ST3GAL1: variants seen among roughly 807,000 people sequenced by gnomAD.
ST3GAL1 encodes CMP-N-acetylneuraminate-beta-galactosamide-alpha-2,3-sialyltransferase 1.
ST3GAL1 carries 16 observed loss-of-function variants against 34.1 expected under a neutral mutation model. The observed-to-expected ratio is 0.47, with a 90% confidence interval of 0.32 to 0.71. The LOEUF (loss-of-function observed/expected upper bound fraction) is 0.71. Among genes scored for constraint, ST3GAL1 ranks in the 30% least tolerant of loss-of-function variants. The probability of loss-of-function intolerance (pLI) is 0.04; values close to 1 mark genes in which losing one functional copy is unlikely to be tolerated. For missense variants in ST3GAL1, 353 were observed against 447.4 expected, an observed-to-expected ratio of 0.79 and a Z score of 1.90; for synonymous variants, 191 against 184.7, an observed-to-expected ratio of 1.03 and a Z score of -0.28.
At chr8:133,525,569 C>T (rs1817945248) in intron 2 of ST3GAL1, among the ~76,000 whole-genome samples, 1 of 152,166 alleles carries the variant, frequency 6.6e-6, no homozygotes, top group Non-Finnish European at 1.5e-5. Context: ...CTGTCTGCCT[C>T]CTGCTACCAT....
intron 2 of ST3GAL1, among the ~76,000 whole-genome samples, chr8:133,514,816 G>A (rs1196210100): frequency 6.6e-6 from 1 of 152,032 alleles, no homozygotes; most frequent in Non-Finnish European, 1.5e-5. Flanking sequence ...CTGGGTTCCT[G>A]GTTTTTCCCA....
chr8:133,544,534 C>T (rs549670522), intron 2 of ST3GAL1, among the ~76,000 whole-genome samples: 47 of 152,330 alleles, frequency 3.1e-4, no homozygotes, highest in African/African-American at 1.1e-3. Context: ...ACATCTTCAG[C>T]TCATTTTCTT....
At chr8:133,569,078 A>G (rs757695609) in intron 1 of ST3GAL1, among the ~76,000 whole-genome samples, 2 of 152,228 alleles carry the variant, frequency 1.3e-5, no homozygotes, top group Non-Finnish European at 2.9e-5. Flanking sequence ...CTCCTCTGCC[A>G]TCACTTCTAG....
chr8:133,503,756 C>T (rs1271886926), intron 2 of ST3GAL1, among the ~76,000 whole-genome samples: 4 of 152,176 alleles, frequency 2.6e-5, no homozygotes, highest in Non-Finnish European at 5.9e-5. Context: ...TATGGAACTA[C>T]ATGGCATTTC....
intron 3 of ST3GAL1, among the ~76,000 whole-genome samples, chr8:133,496,876 G>A (rs549235959): frequency 2.0e-5 from 3 of 152,324 alleles, no homozygotes; most frequent in Non-Finnish European, 2.9e-5. Flanking sequence ...CTTGGCCCCA[G>A]GAGCCCTTCT....
intron 1 of ST3GAL1, among the ~76,000 whole-genome samples, chr8:133,566,754 TA>T (rs1316237794): frequency 6.6e-6 from 1 of 152,240 alleles, no homozygotes; most frequent in Non-Finnish European, 1.5e-5. Flanking sequence ...AGTTTTATTT[TA>T]TTTTTTTAAA....
At position 133,562,544 on chromosome 8, in the gene ST3GAL1, G is replaced by A. The variant is rs150486515; in HGVS notation, c.-582+9149C>T. ...CTTTATCTGCAAAATCAGGAGGACC[G>A]TCAGAAGAGTTGAACTGAGGGCCAA... On this transcript the variant is annotated intron_variant, in intron 1 of 9. Transcript: ENST00000522652. Among the ~76,000 whole-genome samples the A allele has an allele frequency of 5.5e-3, 832 of 152,234 alleles. 6 individuals carry two copies. The highest frequency in any genetic ancestry group is 0.019 in the African/African-American group (792 of 41,558).
intron 2 of ST3GAL1, among the ~76,000 whole-genome samples, chr8:133,503,292 A>C (rs868684856): frequency 8.5e-5 from 13 of 152,304 alleles, no homozygotes; most frequent in Middle Eastern, 3.4e-3. Context: ...AGGAGAGCCG[A>C]CTTCCACTCA....
intron 3 of ST3GAL1, among the ~76,000 whole-genome samples, chr8:133,481,322 C>A (rs1816375664): frequency 6.6e-6 from 1 of 152,152 alleles, no homozygotes; most frequent in African/African-American, 2.4e-5. Flanking sequence ...TTACTCTTAC[C>A]CCTGGGGCAT....
chr8:133,562,837 C>T (rs200472260), intron 1 of ST3GAL1, among the ~76,000 whole-genome samples: 6,796 of 69,730 alleles, frequency 0.097, 276 homozygotes, highest in South Asian at 0.11. Context: ...TTCCTTCCTT[C>T]CTTCCTTTCT....
At chr8:133,531,321 G>A (rs894561112) in intron 2 of ST3GAL1, among the ~76,000 whole-genome samples, 2 of 152,082 alleles carry the variant, frequency 1.3e-5, no homozygotes, top group African/African-American at 4.8e-5. Flanking sequence ...ACACATGTAT[G>A]TATATAGTAT....
chr8:133,486,576 G>A (rs1816609700), intron 3 of ST3GAL1, among the ~76,000 whole-genome samples: 1 of 152,250 alleles, frequency 6.6e-6, no homozygotes. Context: ...GGGCCACAGT[G>A]AGGTGAGGCC....
intron 1 of ST3GAL1, among the ~76,000 whole-genome samples, chr8:133,559,038 T>TGTGTGC (rs1242606620): frequency 1.6e-5 from 2 of 126,110 alleles, no homozygotes; most frequent in African/African-American, 6.3e-5. Flanking sequence ...TGTGGTTTTG[T>TGTGTGC]GTGTGTGTGT....
At chr8:133,563,826 CA>C (rs1327346123) in intron 1 of ST3GAL1, among the ~76,000 whole-genome samples, 2 of 152,184 alleles carry the variant, frequency 1.3e-5, no homozygotes, top group African/African-American at 4.8e-5. Context: ...TGCACATGTG[CA>C]CCCCGAAGAC....
intron 2 of ST3GAL1, among the ~76,000 whole-genome samples, chr8:133,517,598 C>T (rs1817685071): frequency 6.6e-6 from 1 of 152,228 alleles, no homozygotes; most frequent in Non-Finnish European, 1.5e-5. Context: ...GATCTGCCTG[C>T]TTTGGCCTTC....
At chr8:133,491,617 T>A (rs1156438773) in intron 3 of ST3GAL1, among the ~76,000 whole-genome samples, 7 of 152,154 alleles carry the variant, frequency 4.6e-5, no homozygotes, top group Admixed American at 4.6e-4. Context: ...TTCAGGGGCA[T>A]CCAGGAGGTG....
intron 1 of ST3GAL1, among the ~76,000 whole-genome samples, chr8:133,554,550 C>A (rs1464461735): frequency 6.6e-6 from 1 of 152,036 alleles, no homozygotes; most frequent in East Asian, 1.9e-4. Context: ...CGCTGACTGC[C>A]CATGACCAGG....
In ST3GAL1 at chr8:133,455,011, G is replaced by A. The variant is rs929164378; in HGVS notation, c.*4753C>T. ...GCGTAACGACATGGAGAGAGGCAGG[G>A]GGGAATAGAAAGCAAATTTAAAAAC... On this transcript the variant is annotated 3_prime_UTR_variant, in exon 10 of 10. Coordinates refer to ENST00000522652, the MANE Select transcript of ST3GAL1 (RefSeq NM_173344.3). 2.6e-5 allele frequency: 4 copies of A among 152,316 alleles called. No homozygotes were observed. The highest frequency in any genetic ancestry group is 4.4e-5 in the Non-Finnish European group (3 of 68,058). 9.4% of individuals were successfully genotyped at this position (152,316 alleles called of 1,614,324 possible).
intron 3 of ST3GAL1, among the ~76,000 whole-genome samples, chr8:133,496,349 T>G (rs1816945586): frequency 6.6e-6 from 1 of 152,138 alleles, no homozygotes; most frequent in Non-Finnish European, 1.5e-5. Flanking sequence ...GAGGTGAGAA[T>G]GGGCTGAAGC....
Sources: gnomAD v4.1 joint callset for allele counts (sites outside exome capture counted in the v4.1 genomes callset) on GRCh38, gnomAD v4.1.1 for gene constraint, MANE v1.5 for transcripts, NCBI Gene and HGNC (gene_info 2026-07-23, HGNC 2026-07-21) for gene names.